Variants in PIK3C2A observed in about 807,000 individuals in gnomAD.
PIK3C2A encodes the protein phosphatidylinositol 4-phosphate 3-kinase C2 domain-containing subunit alpha.
Under a neutral mutation model 204.5 loss-of-function variants are expected in PIK3C2A, and 97 were observed. The ratio of observed to expected loss-of-function variants is 0.47; its 90% CI spans 0.40 to 0.56. The LOEUF (loss-of-function observed/expected upper bound fraction) is 0.56, where lower values mean the gene tolerates loss of function less well. PIK3C2A is among the 20% of genes least tolerant of loss of function. The probability of loss-of-function intolerance (pLI) is 0.00; values close to 1 mark genes in which losing one functional copy is unlikely to be tolerated. For synonymous variants in PIK3C2A, 653 were observed against 664.4 expected, an observed-to-expected ratio of 0.98 and a Z score of 0.26; for missense variants, 1,735 against 1,969.2, an observed-to-expected ratio of 0.88 and a Z score of 2.25.
At chr11:17,101,793 C>CG (rs1229592761) in intron 24 of PIK3C2A, among the ~76,000 whole-genome samples, 1 of 151,442 alleles carries the variant, frequency 6.6e-6, no homozygotes. Context: ...TTAGTAGAGG[C>CG]GGGGTTTCAC....
At chr11:17,119,668 A>G (rs1849311139) in intron 16 of PIK3C2A, 118 bp downstream of exon 16, 1 of 605,220 alleles carries the variant, frequency 1.7e-6, no homozygotes, top group Non-Finnish European at 2.8e-6. Flanking sequence ...ATATACATTT[A>G]CACATTTGGA....
At chr11:17,101,509 ACTAAG>A (rs1475501916) in intron 24 of PIK3C2A, 75 bp from the exon 25 acceptor site, 2 of 755,626 alleles carry the variant, frequency 2.6e-6, no homozygotes, top group Admixed American at 3.1e-5. Flanking sequence ...TGATTATTAA[ACTAAG>A]CTATCTGAGG....
At chr11:17,100,782 ACTTT>A (rs1196214029) in intron 25 of PIK3C2A, among the ~76,000 whole-genome samples, 1 of 152,134 alleles carries the variant, frequency 6.6e-6, no homozygotes, top group Non-Finnish European at 1.5e-5. Flanking sequence ...ACAATATTTA[ACTTT>A]CTATTTCTGA....
At chr11:17,139,630 T>C (rs980262834) in intron 8 of PIK3C2A, among the ~76,000 whole-genome samples, 1 of 152,238 alleles carries the variant, frequency 6.6e-6, no homozygotes, top group Admixed American at 6.5e-5. Flanking sequence ...TGCCATATTT[T>C]TGCATTGGAT....
chr11:17,104,998 C>G (rs1178756443), intron 23 of PIK3C2A, among the ~76,000 whole-genome samples, 171 bp downstream of exon 23: 1 of 152,110 alleles, frequency 6.6e-6, no homozygotes, highest in African/African-American at 2.4e-5. Flanking sequence ...CAGATTCCTG[C>G]CATTAAATGC....
intron 1 of PIK3C2A, among the ~76,000 whole-genome samples, chr11:17,201,525 CAAA>C (rs869055451): frequency 3.4e-5 from 1 of 28,998 alleles, no homozygotes. Context: ...GACTCCGTCT[CAAA>C]AAAAAAAAAA....
At chr11:17,194,853 G>C (rs1187358082) in intron 1 of PIK3C2A, among the ~76,000 whole-genome samples, 1 of 151,276 alleles carries the variant, frequency 6.6e-6, no homozygotes, top group African/African-American at 2.4e-5. Flanking sequence ...AGGATGCAGT[G>C]AGCCGAGACT....
chr11:17,112,570 T>A lies in PIK3C2A; in HGVS notation c.3414+4A>T, dbSNP rs765116826. 7.3e-7 allele frequency: 1 copy of A among 1,374,072 alleles called. No homozygotes were observed. The highest frequency in any genetic ancestry group is 1.0e-6 in the Non-Finnish European group (1 of 995,992). 85.1% of individuals were successfully genotyped at this position (1,374,072 alleles called of 1,614,324 possible). ...ATTAAAAAACAGTAACATTATTTACTCACCTTAAACATGACATTAATTTCT... is the reference window on the plus strand; with the variant it reads ...ATTAAAAAACAGTAACATTATTTACACACCTTAAACATGACATTAATTTCT... On this transcript the variant is annotated splice_donor_region_variant and intron_variant, in intron 21 of 32. Transcript: ENST00000691414.
At chr11:17,154,584 T>C (rs2137445623) in intron 3 of PIK3C2A, among the ~76,000 whole-genome samples, 1 of 152,282 alleles carries the variant, frequency 6.6e-6, no homozygotes, top group East Asian at 1.9e-4. Flanking sequence ...TCTCTCATCC[T>C]CTTGGCCACA....
chr11:17,179,546 G>A (rs181542158), intron 1 of PIK3C2A, among the ~76,000 whole-genome samples: 1 of 152,140 alleles, frequency 6.6e-6, no homozygotes, highest in African/African-American at 2.4e-5. Flanking sequence ...TAATATTCTA[G>A]ATTTAGAAAA....
chr11:17,094,884 C>G (rs1848408585), intron 27 of PIK3C2A, among the ~76,000 whole-genome samples: 1 of 152,098 alleles, frequency 6.6e-6, no homozygotes, highest in African/African-American at 2.4e-5. Context: ...AAATATAAGT[C>G]ATTGTATTTA....
chr11:17,141,120 C>A (rs995329249), intron 8 of PIK3C2A, among the ~76,000 whole-genome samples: 5 of 152,104 alleles, frequency 3.3e-5, no homozygotes, highest in African/African-American at 1.2e-4. Flanking sequence ...ACAATTAGGG[C>A]TTTGAATTTT....
chr11:17,162,494 A>T (rs1426236211), intron 2 of PIK3C2A, among the ~76,000 whole-genome samples: 2 of 152,202 alleles, frequency 1.3e-5, no homozygotes, highest in South Asian at 4.1e-4. Context: ...TCAGCCTAAC[A>T]ATTTCTCCAT....
intron 8 of PIK3C2A, among the ~76,000 whole-genome samples, chr11:17,140,517 C>CAA (rs201744772): frequency 0.01 from 1,553 of 152,186 alleles, 15 homozygotes; most frequent in Middle Eastern, 0.034. Context: ...GGATGAACCT[C>CAA]AAAAACAGTA....
intron 1 of PIK3C2A, among the ~76,000 whole-genome samples, chr11:17,202,273 AAAG>A (rs1456858902): frequency 3.3e-5 from 5 of 150,502 alleles, no homozygotes; most frequent in Non-Finnish European, 5.9e-5. Context: ...AAAAAAAAAA[AAAG>A]AAAGAAGGAA....
chr11:17,195,760 C>T (rs1565307474), intron 1 of PIK3C2A, among the ~76,000 whole-genome samples: 3 of 139,822 alleles, frequency 2.1e-5, no homozygotes, highest in African/African-American at 7.7e-5. Flanking sequence ...AAAAAAGGAG[C>T]CCCGCGCGCT....
intron 1 of PIK3C2A, among the ~76,000 whole-genome samples, chr11:17,192,938 T>A (rs1344162584): frequency 1.3e-5 from 2 of 152,226 alleles, no homozygotes; most frequent in South Asian, 2.1e-4. Flanking sequence ...CTTTAAGAGA[T>A]GATTAGGCCA....
chr11:17,105,288 G>A lies in PIK3C2A; in HGVS notation c.3562C>T (p.Pro1188Ser). 1.2e-6 allele frequency: 2 copies of A among 1,610,488 alleles called. No homozygotes were observed. Among genetic ancestry groups the A allele is most frequent in the Non-Finnish European group, 1.7e-6 (2 of 1,178,486 alleles). The change falls in exon 23 of 33, where the codon CCT (proline) becomes TCT (serine). Residue 1188 changes from proline (P) to serine (S), a missense_variant. Pro to Ser is a moderately conservative substitution (Grantham distance 74, BLOSUM62 -1). Coordinates refer to ENST00000691414, the MANE Select transcript of PIK3C2A (RefSeq NM_002645.4). Reference protein sequence around the residue: ...GRDRGMVELVPASDTLRKIQV... With the variant: ...GRDRGMVELVSASDTLRKIQV... ...ATTTTCCTGAGGGTATCGGAAGCAGGAACCAGCTCCACCATGCCTTTAATG... is the reference window on the plus strand; with the variant it reads ...ATTTTCCTGAGGGTATCGGAAGCAGAAACCAGCTCCACCATGCCTTTAATG...
intron 28 of PIK3C2A, among the ~76,000 whole-genome samples, chr11:17,093,866 G>C (rs1459016716): frequency 6.6e-6 from 1 of 151,368 alleles, no homozygotes; most frequent in Non-Finnish European, 1.5e-5. Flanking sequence ...CCAACTCCTG[G>C]ACTCAAGGTA....
Sources: gnomAD v4.1 joint callset for allele counts (sites outside exome capture counted in the v4.1 genomes callset) on GRCh38, gnomAD v4.1.1 for gene constraint, MANE v1.5 for transcripts, NCBI Gene and HGNC (gene_info 2026-07-23, HGNC 2026-07-21) for gene names.